Variants in SYNPO observed in about 807,000 individuals in gnomAD.
The protein encoded by SYNPO is synaptopodin.
In SYNPO, 19 loss-of-function variants were observed where a neutral mutation model predicts 49.5. The ratio of observed to expected loss-of-function variants is 0.38; its 90% confidence interval spans 0.27 to 0.56. The LOEUF (loss-of-function observed/expected upper bound fraction) is 0.56, where lower values mean the gene tolerates loss of function less well. Among genes scored for constraint, SYNPO ranks in the 20% least tolerant of loss-of-function variants. SYNPO has a pLI of 0.68. For missense variants in SYNPO, 1,131 were observed against 1,248.3 expected (o/e 0.91, Z 1.42); for synonymous variants, 536 against 548.0 (o/e 0.98, Z 0.31).
At chr5:150,593,252 G>C in the SYNPO span, among the ~76,000 whole-genome samples, 1 of 152,198 alleles carries the variant, frequency 6.6e-6, no homozygotes, top group South Asian at 2.1e-4. Flanking sequence ...GGTTTGTCCT[G>C]GGAGCCGGGG....
At chr5:150,644,963 G>C (rs1320003000) in intron 1 of SYNPO, among the ~76,000 whole-genome samples, 1 of 152,192 alleles carries the variant, frequency 6.6e-6, no homozygotes, top group Admixed American at 6.5e-5. Flanking sequence ...GGGAAAACCA[G>C]GTTCGATGGA....
At chr5:150,595,111 G>A in the SYNPO span, among the ~76,000 whole-genome samples, 1 of 152,222 alleles carries the variant, frequency 6.6e-6, no homozygotes, top group African/African-American at 2.4e-5. Context: ...TCAGGTGGAA[G>A]CTGAGGCGGA....
intron 2 of SYNPO, chr5:150,618,884 C>A: frequency 7.7e-7 from 1 of 1,294,046 alleles, no homozygotes; most frequent in Non-Finnish European, 1.1e-6. Flanking sequence ...ATCACAGTCC[C>A]ATGGGCATGC....
rs1161382889 is a variant in SYNPO, at chr5:150,648,563, C to T, written c.288C>T (p.Val96=). ...NSSHNPPATD[V]NQNPPATVVP... is the part of the protein sequence containing the mutation. ...GCCACAATCCGCCAGCCACCGATGT[C>T]AATCAGAACCCACCGGCAACTGTTG... The change falls in exon 2 of 3, where the codon GTC becomes GTT. Residue 96 remains valine (V), a synonymous_variant. Coordinates refer to ENST00000307662, the MANE Select transcript of SYNPO (RefSeq NM_007286.6). This position sits in a 1 kb window ranked among gnomAD's most constrained non-coding sequence, Gnocchi z 5.0. 1 of 1,614,190 alleles carries T rather than the reference C, an allele frequency of 6.2e-7. No homozygotes were observed. Among genetic ancestry groups the T allele is most frequent in the Non-Finnish European group, 8.5e-7 (1 of 1,180,038 alleles).
chr5:150,623,206 C>T (rs1757235910), intron 2 of SYNPO, among the ~76,000 whole-genome samples: 1 of 152,228 alleles, frequency 6.6e-6, no homozygotes, highest in Admixed American at 6.5e-5. Flanking sequence ...GTTCTTTTCT[C>T]CATTTCCTTT....
Position 150,618,691 on chromosome 5 carries a change from G to T in SYNPO, c.324G>T (p.Trp108Cys), listed in dbSNP as rs1184945050. ...ACGACGACAGGGCCAGCCAGGACTG[G>T]GATGTAGTGAAGGCCGGGCAGATGA... Residue 108 changes from tryptophan to cysteine, a missense_variant, in exon 2 of 3, where the codon TGG becomes TGT. Transcript: ENST00000394243. 7.1e-6 allele frequency: 11 copies of T among 1,550,422 alleles called. No individual in the cohort carries two copies. The Admixed American group carries it at 2.2e-4, about 30-fold the overall frequency.
At chr5:150,626,320 C>T (rs1581476215) in intron 2 of SYNPO, among the ~76,000 whole-genome samples, 1 of 152,234 alleles carries the variant, frequency 6.6e-6, no homozygotes, top group African/African-American at 2.4e-5. Flanking sequence ...GGGGCATCCC[C>T]TTCCTCTGTC....
intron 1 of SYNPO, among the ~76,000 whole-genome samples, chr5:150,644,505 A>G (rs1008388839): frequency 6.6e-6 from 1 of 152,200 alleles, no homozygotes; most frequent in Non-Finnish European, 1.5e-5. Flanking sequence ...TGGGGTGACC[A>G]ATTGCCAGCT....
At chr5:150,586,571 A>AGGATGGATGGATGGAT in the SYNPO span, among the ~76,000 whole-genome samples, 61 of 149,816 alleles carry the variant, frequency 4.1e-4, no homozygotes, top group African/African-American at 1.3e-3. Flanking sequence ...GGTGGATGGA[A>AGGATGGATGGATGGAT]GGATGGATGG....
intron 1 of SYNPO, among the ~76,000 whole-genome samples, chr5:150,615,515 G>A (rs1035314016): frequency 2.6e-5 from 4 of 152,186 alleles, no homozygotes; most frequent in Non-Finnish European, 5.9e-5. Flanking sequence ...TTAGAATCAG[G>A]GGATCCTGCA....
chr5:150,603,311 T>C (rs1581444387), intron 1 of SYNPO, among the ~76,000 whole-genome samples: 1 of 152,230 alleles, frequency 6.6e-6, no homozygotes, highest in East Asian at 1.9e-4. Context: ...TTGGCTGCGT[T>C]TTATCTGCCA....
At chr5:150,627,042 C>T in intron 2 of SYNPO, among the ~76,000 whole-genome samples, 1 of 152,194 alleles carries the variant, frequency 6.6e-6, no homozygotes, top group East Asian at 1.9e-4. Flanking sequence ...TTCCACCTGC[C>T]AGGGCTGCCC....
intron 2 of SYNPO, among the ~76,000 whole-genome samples, chr5:150,635,094 G>C (rs922269682): frequency 1.3e-5 from 2 of 152,242 alleles, no homozygotes; most frequent in Non-Finnish European, 2.9e-5. Flanking sequence ...TGAAGACGGG[G>C]CAGGCTGGCA....
At chr5:150,641,130 T>C (rs1472086751) in intron 1 of SYNPO, among the ~76,000 whole-genome samples, 1 of 152,188 alleles carries the variant, frequency 6.6e-6, no homozygotes, top group East Asian at 1.9e-4. Context: ...CCAGTCAGAT[T>C]GCGCTCGCCA....
At chr5:150,630,835 G>T (rs1757512938) in intron 2 of SYNPO, among the ~76,000 whole-genome samples, 1 of 152,200 alleles carries the variant, frequency 6.6e-6, no homozygotes, top group South Asian at 2.1e-4. Context: ...CCCACACACT[G>T]GCTGTGTGGC....
chr5:150,596,205 G>A (rs1448950342), upstream of SYNPO, among the ~76,000 whole-genome samples: 1 of 152,130 alleles, frequency 6.6e-6, no homozygotes, highest in East Asian at 1.9e-4. Flanking sequence ...TCCAGGGCTT[G>A]ATAGAGATTC....
chr5:150,641,810 T>C (rs550671751), intron 1 of SYNPO, among the ~76,000 whole-genome samples: 32 of 152,346 alleles, frequency 2.1e-4, no homozygotes, highest in African/African-American at 7.2e-4. Context: ...GGAGTTGTTC[T>C]AGGCAGCTGG....
At chr5:150,630,213 C>T (rs1164010891) in intron 2 of SYNPO, among the ~76,000 whole-genome samples, 2 of 152,174 alleles carry the variant, frequency 1.3e-5, no homozygotes, top group East Asian at 1.9e-4. Flanking sequence ...TTGTTAGTGC[C>T]TTGGAACTTG....
chr5:150,591,100 G>C, the SYNPO span, among the ~76,000 whole-genome samples: 2 of 152,152 alleles, frequency 1.3e-5, no homozygotes, highest in African/African-American at 4.8e-5. Flanking sequence ...GGGCCGGAAG[G>C]TCTGGTAGGT....
Sources: gnomAD v4.1 joint callset for allele counts (sites outside exome capture counted in the v4.1 genomes callset) on GRCh38, gnomAD v4.1.1 for gene constraint, Gnocchi (gnomAD v3.1) non-coding constraint, MANE v1.5 for transcripts, NCBI Gene and HGNC (gene_info 2026-07-23, HGNC 2026-07-21) for gene names.